SUPT3H: variants seen among roughly 807,000 people sequenced by gnomAD.
SUPT3H encodes the protein transcription initiation protein SPT3 homolog.
Under a neutral mutation model 44.3 loss-of-function variants are expected in SUPT3H, and 44 were observed. The ratio of observed to expected loss-of-function variants is 0.99; its 90% CI spans 0.78 to 1.28. The LOEUF (loss-of-function observed/expected upper bound fraction) is 1.28. Ranked by LOEUF, SUPT3H falls within the 50% of genes most tolerant of loss-of-function variation. The probability of loss-of-function intolerance (pLI) is 0.00; values close to 1 mark genes in which losing one functional copy is unlikely to be tolerated. For synonymous variants in SUPT3H, 124 were observed against 125.6 expected, an observed-to-expected ratio of 0.99 and a Z score of 0.09; for missense variants, 380 against 387.1, an observed-to-expected ratio of 0.98 and a Z score of 0.15.
At chr6:45,354,286 A>G (rs574894846) in intron 2 of SUPT3H, among the ~76,000 whole-genome samples, 1 of 152,288 alleles carries the variant, frequency 6.6e-6, no homozygotes, top group African/African-American at 2.4e-5. Context: ...TATACACACA[A>G]TGAAATAAAA....
intron 5 of SUPT3H, among the ~76,000 whole-genome samples, chr6:45,012,226 A>G (rs987900710): frequency 6.6e-6 from 1 of 150,684 alleles, no homozygotes; most frequent in African/African-American, 2.4e-5. Flanking sequence ...GGAGGTTTTC[A>G]GTCATTATTT....
intron 3 of SUPT3H, among the ~76,000 whole-genome samples, chr6:45,080,599 TA>T (rs557372912): frequency 1.4e-4 from 20 of 147,434 alleles, no homozygotes; most frequent in South Asian, 2.1e-4. Context: ...ATTCAGCCAT[TA>T]AAAAAAAAAG....
At chr6:45,376,838 T>C (rs192643783) in intron 1 of SUPT3H, among the ~76,000 whole-genome samples, 1 of 152,334 alleles carries the variant, frequency 6.6e-6, no homozygotes, top group African/African-American at 2.4e-5. Context: ...CCAGGTCCTC[T>C]CCTTCCAAAT....
intron 3 of SUPT3H, among the ~76,000 whole-genome samples, chr6:45,070,138 A>G (rs939727770): frequency 6.6e-6 from 1 of 152,180 alleles, no homozygotes; most frequent in African/African-American, 2.4e-5. Flanking sequence ...TTCATAGGCT[A>G]TGAATCCAAT....
At chr6:45,015,832 T>C (rs892712767) in intron 4 of SUPT3H, among the ~76,000 whole-genome samples, 3 of 151,592 alleles carry the variant, frequency 2.0e-5, no homozygotes, top group East Asian at 3.9e-4. Context: ...TATGCCTACA[T>C]AGGGTCAGGA....
intron 2 of SUPT3H, among the ~76,000 whole-genome samples, chr6:45,353,458 C>T (rs949626509): frequency 3.3e-5 from 5 of 151,730 alleles, no homozygotes; most frequent in African/African-American, 9.7e-5. Context: ...GACTACTCAA[C>T]GGAACAAAGC....
intron 6 of SUPT3H, among the ~76,000 whole-genome samples, chr6:44,998,309 A>T (rs1483800056): frequency 6.6e-6 from 1 of 151,962 alleles, no homozygotes; most frequent in Non-Finnish European, 1.5e-5. Context: ...TTACTGATTT[A>T]TCCAGGTTTA....
intron 2 of SUPT3H, among the ~76,000 whole-genome samples, chr6:45,284,263 T>C (rs140478411): frequency 0.02 from 3,080 of 151,496 alleles, 102 homozygotes; most frequent in African/African-American, 0.07. Context: ...CTGAAGGAAA[T>C]AGAAACACAA....
At chr6:44,872,501 C>T (rs1582117027) in intron 10 of SUPT3H, among the ~76,000 whole-genome samples, 2 of 151,574 alleles carry the variant, frequency 1.3e-5, no homozygotes, top group South Asian at 2.1e-4. Context: ...GAAGGAAGTG[C>T]TAAACATGGA....
chr6:45,135,746 T>C (rs149005599), intron 2 of SUPT3H, among the ~76,000 whole-genome samples: 207 of 152,296 alleles, frequency 1.4e-3, no homozygotes, highest in African/African-American at 4.7e-3. Flanking sequence ...GAAACAACAA[T>C]GCTGGCACCC....
intron 3 of SUPT3H, among the ~76,000 whole-genome samples, chr6:45,101,657 A>G (rs770483273): frequency 2.6e-5 from 4 of 152,212 alleles, no homozygotes; most frequent in Admixed American, 2.0e-4. Flanking sequence ...AATATTCCCA[A>G]CACAAAGAAA....
At chr6:45,194,352 G>A (rs1200162678) in intron 2 of SUPT3H, among the ~76,000 whole-genome samples, 1 of 152,032 alleles carries the variant, frequency 6.6e-6, no homozygotes, top group Non-Finnish European at 1.5e-5. Flanking sequence ...GTTGTTTGTG[G>A]TGTGGAGGAA....
chr6:45,189,165 T>G (rs1464866766), intron 2 of SUPT3H, among the ~76,000 whole-genome samples: 1 of 152,230 alleles, frequency 6.6e-6, no homozygotes, highest in Non-Finnish European at 1.5e-5. Context: ...TCATTTGTCT[T>G]ATTTGCCAAA....
intron 3 of SUPT3H, among the ~76,000 whole-genome samples, chr6:45,062,330 A>T: frequency 6.6e-6 from 1 of 152,224 alleles, no homozygotes; most frequent in Non-Finnish European, 1.5e-5. Context: ...TCAAGGCATA[A>T]ATCCAGAGCA....
At chr6:45,290,927 T>A (rs1268198937) in intron 2 of SUPT3H, among the ~76,000 whole-genome samples, 1 of 152,098 alleles carries the variant, frequency 6.6e-6, no homozygotes, top group Non-Finnish European at 1.5e-5. Flanking sequence ...CAGCTCTAAC[T>A]CGGATGGACA....
chr6:45,164,331 T>G (rs1041697987), intron 2 of SUPT3H, among the ~76,000 whole-genome samples: 13 of 152,300 alleles, frequency 8.5e-5, no homozygotes, highest in Non-Finnish European at 1.6e-4. Flanking sequence ...TAAGATTATA[T>G]AGCCTACATG....
chr6:45,195,971 C>T (rs1403866272), intron 2 of SUPT3H, among the ~76,000 whole-genome samples: 10 of 151,984 alleles, frequency 6.6e-5, no homozygotes, highest in African/African-American at 2.4e-4. Flanking sequence ...AGATTCAACG[C>T]CTATGAAGTG....
intron 11 of SUPT3H, among the ~76,000 whole-genome samples, chr6:44,812,134 A>C (rs1766574967): frequency 6.6e-6 from 1 of 152,242 alleles, no homozygotes; most frequent in African/African-American, 2.4e-5. Flanking sequence ...TAGTAGCATA[A>C]ATACCACAAA....
At chr6:45,178,773 G>A (rs951178211) in intron 2 of SUPT3H, among the ~76,000 whole-genome samples, 14 of 152,210 alleles carry the variant, frequency 9.2e-5, no homozygotes, top group South Asian at 2.1e-4. Context: ...ACTCAAAAGC[G>A]CTCAAGTACA....
Sources: allele counts gnomAD v4.1 joint callset (sites outside exome capture counted in the v4.1 genomes callset), GRCh38; gene constraint gnomAD v4.1.1; transcripts MANE v1.5; gene names NCBI Gene and HGNC (gene_info 2026-07-23, HGNC 2026-07-21).